The following DRC10 variants were observed in gnomAD, a reference collection of about 807,000 sequenced individuals.
DRC10 encodes the protein dynein regulatory complex subunit 10.
chr12:113,195,749 C>T, the DRC10 span: 4 of 1,614,058 alleles, frequency 2.5e-6, no homozygotes, highest in Non-Finnish European at 3.4e-6. Context: ...CCTGCTCTGC[C>T]TCCATCCTTT....
At chr12:113,199,323 G>A in the DRC10 span, among the ~76,000 whole-genome samples, 1 of 152,124 alleles carries the variant, frequency 6.6e-6, no homozygotes, top group African/African-American at 2.4e-5. Flanking sequence ...TTGAGCCCAG[G>A]AGTTGGAGGC....
chr12:113,210,615 A>G, the DRC10 span, among the ~76,000 whole-genome samples: 3 of 150,638 alleles, frequency 2.0e-5, no homozygotes, highest in Admixed American at 6.6e-5. Flanking sequence ...AAAAAAAGAA[A>G]AAAAAAAAAA....
the DRC10 span, among the ~76,000 whole-genome samples, chr12:113,196,280 G>A: frequency 6.6e-6 from 1 of 152,140 alleles, no homozygotes; most frequent in Non-Finnish European, 1.5e-5. Context: ...ACAATGTACT[G>A]GACATGATGC....
the DRC10 span, among the ~76,000 whole-genome samples, chr12:113,208,818 C>T: frequency 6.6e-6 from 1 of 152,152 alleles, no homozygotes; most frequent in Non-Finnish European, 1.5e-5. Context: ...GCCTGGGCGA[C>T]GGAACCACAG....
the DRC10 span, chr12:113,208,370 C>G: frequency 7.2e-7 from 1 of 1,384,022 alleles, no homozygotes; most frequent in African/African-American, 1.4e-5. Context: ...GGTCCTCTGT[C>G]GCTTTTACAC....
the DRC10 span, among the ~76,000 whole-genome samples, chr12:113,212,860 G>A: frequency 1.4e-3 from 214 of 152,128 alleles, 1 homozygote; most frequent in African/African-American, 5.0e-3. Flanking sequence ...AAGCATCTCC[G>A]TTTAAAATTC....
At chr12:113,213,817 G>A in the DRC10 span, among the ~76,000 whole-genome samples, 1 of 152,142 alleles carries the variant, frequency 6.6e-6, no homozygotes, top group Non-Finnish European at 1.5e-5. Context: ...AAATTAGCTG[G>A]GCATGGTGGT....
the DRC10 span, among the ~76,000 whole-genome samples, chr12:113,213,519 A>G: frequency 6.6e-6 from 1 of 152,258 alleles, no homozygotes; most frequent in Non-Finnish European, 1.5e-5. Flanking sequence ...CAACAACCCT[A>G]TGAGGTAGGT....
chr12:113,195,472 T>C, the DRC10 span: 1 of 1,437,344 alleles, frequency 7.0e-7, no homozygotes, highest in Admixed American at 2.8e-5. Flanking sequence ...TTTTAATTTA[T>C]TAAATAAAAA....
At chr12:113,217,972 C>T in the DRC10 span, among the ~76,000 whole-genome samples, 6 of 152,190 alleles carry the variant, frequency 3.9e-5, no homozygotes, top group South Asian at 2.1e-4. Flanking sequence ...TGGCAATAAT[C>T]GGGAGATGCA....
chr12:113,195,644 G>T, the DRC10 span: 2 of 1,613,052 alleles, frequency 1.2e-6, no homozygotes, highest in Non-Finnish European at 1.7e-6. Flanking sequence ...CTTTGCCCTT[G>T]CCCCGCTTCT....
the DRC10 span, among the ~76,000 whole-genome samples, chr12:113,217,915 G>A: frequency 3.9e-5 from 6 of 152,160 alleles, no homozygotes; most frequent in Non-Finnish European, 8.8e-5. Flanking sequence ...TTTTTGCTTA[G>A]CACAGTGGTT....
chr12:113,195,620 C>T, the DRC10 span: 9 of 1,611,542 alleles, frequency 5.6e-6, no homozygotes, highest in Non-Finnish European at 7.6e-6. Context: ...GCTTGCCCTT[C>T]TCCTTGTCCT....
At chr12:113,214,133 TG>T in the DRC10 span, among the ~76,000 whole-genome samples, 1 of 151,824 alleles carries the variant, frequency 6.6e-6, no homozygotes, top group Non-Finnish European at 1.5e-5. Flanking sequence ...AGGGGGAAAG[TG>T]AGGGGCTAGA....
chr12:113,212,135 A>T, the DRC10 span, among the ~76,000 whole-genome samples: 2 of 143,162 alleles, frequency 1.4e-5, no homozygotes, highest in Non-Finnish European at 3.0e-5. Flanking sequence ...CAATGGTGTG[A>T]TTTGGGCTCA....
At chr12:113,208,105 C>T in the DRC10 span, 14 of 1,614,060 alleles carry the variant, frequency 8.7e-6, no homozygotes, top group South Asian at 1.4e-4. Flanking sequence ...TGTCTTTGGC[C>T]CTATTCTGTT....
chr12:113,208,263 C>T, the DRC10 span: 2 of 1,482,612 alleles, frequency 1.3e-6, no homozygotes, highest in Non-Finnish European at 1.8e-6. Context: ...GGCCATCCTG[C>T]AAAATGAAGA....
chr12:113,197,592 C>T, the DRC10 span: 44 of 1,532,188 alleles, frequency 2.9e-5, no homozygotes, highest in East Asian at 2.0e-4. Flanking sequence ...TCTCGATTTC[C>T]GTTTCCACTT....
chr12:113,206,748 C>T, the DRC10 span, among the ~76,000 whole-genome samples: 6 of 151,072 alleles, frequency 4.0e-5, no homozygotes, highest in Non-Finnish European at 8.8e-5. Flanking sequence ...CAGCAAGACT[C>T]CATCTTAAAA....
Sources: gnomAD v4.1 joint callset for allele counts (sites outside exome capture counted in the v4.1 genomes callset) on GRCh38, gnomAD v4.1.1 for gene constraint, MANE v1.5 for transcripts, NCBI Gene and HGNC (gene_info 2026-07-23, HGNC 2026-07-21) for gene names.